The following ZNF740 variants were observed in gnomAD, a reference collection of about 807,000 sequenced individuals.
ZNF740 encodes the protein zinc finger protein 740.
In ZNF740, 14 loss-of-function variants were observed where a neutral mutation model predicts 24.8. The observed-to-expected ratio is 0.56, with a 90% CI of 0.37 to 0.88. ZNF740 has a LOEUF of 0.88. ZNF740 is among the 40% of genes least tolerant of loss of function. ZNF740 has a pLI of 0.00. For missense variants in ZNF740, 201 were observed against 247.9 expected (o/e 0.81, Z 1.27); for synonymous variants, 69 against 84.0 (o/e 0.82, Z 0.98).
rs1401350785 is a variant in ZNF740 at position 53,191,837 on chromosome 12, C to G, written c.*4247C>G. On this transcript the variant is annotated 3_prime_UTR_variant, in exon 7 of 7. Coordinates refer to ENST00000416904, the MANE Select transcript of ZNF740 (RefSeq NM_001004304.4). ...TGGTGGGGGAACAGCTAAAAAGGGG[C>G]CTAACCAGGAAGTCTCCTCACCTGC... The G allele has an allele frequency of 2.5e-6, 4 of 1,613,260 alleles. No individual in the cohort carries two copies. The highest frequency in any genetic ancestry group is 3.3e-5 in the Admixed American group (2 of 59,996).
Position 53,193,443 on chromosome 12 carries a change from C to A in ZNF740, c.*5853C>A. 1 of 1,060,232 alleles carries A rather than the reference C, an allele frequency of 9.4e-7. No homozygotes were observed. Among genetic ancestry groups the A allele is most frequent in the Non-Finnish European group, 1.3e-6 (1 of 747,824 alleles). 65.7% of individuals were successfully genotyped at this position (1,060,232 alleles called of 1,614,324 possible). A position where few individuals can be genotyped will look rare whatever the true frequency, so the allele number is the denominator to read the frequency against. ...CTTGTCTCTCCCAGGAACCTCTAAA[C>A]CCAAGTTCTCAAAAGAGTTGGAGAC... On this transcript the variant is annotated 3_prime_UTR_variant, in exon 7 of 7. Transcript: ENST00000416904.
rs1941804969 is a variant in ZNF740, at chr12:53,185,455, T to C, written c.228T>C (p.His76=). Residue 76 remains histidine, a synonymous_variant, in exon 4 of 7, where the codon CAT becomes CAC. Coordinates refer to ENST00000416904, the MANE Select transcript of ZNF740 (RefSeq NM_001004304.4). ...KDDDSLSEAS[H]SKKTVKKVVV... ...ATGACAGCTTGTCTGAGGCCTCTCA[T>C]TCAAAAAAGACTGTTAAAAAGGCAG... 1 of 1,613,822 alleles carries C rather than the reference T, an allele frequency of 6.2e-7. No individual in the cohort carries two copies. The highest frequency in any genetic ancestry group is 1.1e-5 in the South Asian group (1 of 91,074).
In ZNF740 at chr12:53,187,648, C is replaced by G. The variant is rs1027296050; in HGVS notation, c.*58C>G. ...GAAGAACCTGCCGAAGAGCACACCC[C>G]CTCTGGTCTGATGGTCCCACCACCG... On this transcript the variant is annotated 3_prime_UTR_variant, in exon 7 of 7. Coordinates refer to ENST00000416904, the MANE Select transcript of ZNF740 (RefSeq NM_001004304.4). The G allele has an allele frequency of 2.1e-6, 3 of 1,408,530 alleles. No individual in the cohort carries two copies. The highest frequency in any genetic ancestry group is 2.4e-5 in the South Asian group (2 of 84,934). 87.3% of individuals were successfully genotyped at this position (1,408,530 alleles called of 1,614,324 possible).
rs971210487 is a variant in ZNF740, at chr12:53,187,686, C to T, written c.*96C>T. On this transcript the variant is annotated 3_prime_UTR_variant, in exon 7 of 7. Coordinates refer to ENST00000416904, the MANE Select transcript of ZNF740 (RefSeq NM_001004304.4). ...GGTCCCACCACCGCCCCATGTGAAC[C>T]TGTCCCACTCCTGGAGGAGTGGACC... The T allele has an allele frequency of 4.1e-6, 4 of 983,678 alleles. No homozygotes were observed. In the Admixed American group the frequency reaches 8.0e-5, roughly 20 times the overall value. 60.9% of individuals were successfully genotyped at this position (983,678 alleles called of 1,614,324 possible).
intron 6 of ZNF740, 22 bp from the exon 7 acceptor site, chr12:53,187,479 T>G (rs1184397193): frequency 6.2e-7 from 1 of 1,611,296 alleles, no homozygotes; most frequent in African/African-American, 1.3e-5. Flanking sequence ...GCTCAGGCAC[T>G]TAACCCTCCC....
chr12:53,185,055 T>C lies in ZNF740; in HGVS notation c.159+15T>C, dbSNP rs373755791. On this transcript the variant is annotated intron_variant, in intron 3 of 6. Transcript: ENST00000416904. Reference sequence around the variant, plus strand: ...GCTCGAGTCAGGTACAGCGCTTGAGTCCATTGTGGCACCTGGGGATCGGGT... The same window carrying C: ...GCTCGAGTCAGGTACAGCGCTTGAGCCCATTGTGGCACCTGGGGATCGGGT... The C allele has an allele frequency of 2.2e-5, 35 of 1,612,344 alleles. No individual in the cohort carries two copies. The highest frequency in any genetic ancestry group is 3.0e-5 in the Non-Finnish European group (35 of 1,178,956).
At chr12:53,186,668 A>T in intron 6 of ZNF740, 159 bp downstream of exon 6, 1 of 567,988 alleles carries the variant, frequency 1.8e-6, no homozygotes, top group Non-Finnish European at 3.2e-6. Flanking sequence ...TATGCAGCTG[A>T]TCATGGGGAG....
At chr12:53,184,687 CT>C (rs1273953428) in intron 2 of ZNF740, among the ~76,000 whole-genome samples, 6 of 152,294 alleles carry the variant, frequency 3.9e-5, no homozygotes, top group African/African-American at 1.4e-4. Context: ...TATTTAAATG[CT>C]GAAGGATGAC....
chr12:53,193,408 T>TCAC lies in ZNF740; in HGVS notation c.*5820_*5822dup. ...GAGAGAAGTAGGTCAGAGGGTTTGA[T>TCAC]CACCCCTGACTTGTCTCTCCCAGGA... On this transcript the variant is annotated 3_prime_UTR_variant, in exon 7 of 7. Transcript: ENST00000416904. 1 of 1,389,560 alleles carries TCAC rather than the reference T, an allele frequency of 7.2e-7. No homozygotes were observed. Among genetic ancestry groups the TCAC allele is most frequent in the Non-Finnish European group, 9.7e-7 (1 of 1,028,870 alleles). The allele number at this position is 1,389,560 out of a possible 1,614,324, so 86.1% of individuals were successfully genotyped here.
rs1592398516 is a variant in ZNF740 at position 53,193,624 on chromosome 12, G to A, written c.*6034G>A. 3 of 1,211,938 alleles carry A rather than the reference G, an allele frequency of 2.5e-6. No individual in the cohort carries two copies. Among genetic ancestry groups the A allele is most frequent in the Non-Finnish European group, 3.5e-6 (3 of 867,436 alleles). The allele number at this position is 1,211,938 out of a possible 1,614,324, so 75.1% of individuals were successfully genotyped here. A position where few individuals can be genotyped will look rare whatever the true frequency, so the allele number is the denominator to read the frequency against. On this transcript the variant is annotated 3_prime_UTR_variant, in exon 7 of 7. Coordinates refer to ENST00000416904, the MANE Select transcript of ZNF740 (RefSeq NM_001004304.4). Reference sequence around the variant, plus strand: ...GGATGTCGAGGAGACTCCTGTGGGGGGGATGGAAAGCAGCGGAGGAATACG... The same window carrying A: ...GGATGTCGAGGAGACTCCTGTGGGGAGGATGGAAAGCAGCGGAGGAATACG...
chr12:53,188,896 G>C lies in ZNF740; in HGVS notation c.*1306G>C, dbSNP rs1225242348. 6.6e-6 allele frequency: 1 copy of C among 152,224 alleles called. No individual in the cohort carries two copies. Among genetic ancestry groups the C allele is most frequent in the Non-Finnish European group, 1.5e-5 (1 of 68,054 alleles). 9.4% of individuals were successfully genotyped at this position (152,224 alleles called of 1,614,324 possible). ...CCCAAAAAAGTAATCGGGTGTGTGT[G>C]TGTGTGTGAGAGAGAGTGTGTGTGA... On this transcript the variant is annotated 3_prime_UTR_variant, in exon 7 of 7. Coordinates refer to ENST00000416904, the MANE Select transcript of ZNF740 (RefSeq NM_001004304.4).
chr12:53,190,217 C>T lies in ZNF740; in HGVS notation c.*2627C>T, dbSNP rs927870378. ...GGAGTGATTTGGCATCCAGAGGGCC[C>T]GGGAGCCCCACGGATACCCCAGGGA... On this transcript the variant is annotated 3_prime_UTR_variant, in exon 7 of 7. Coordinates refer to ENST00000416904, the MANE Select transcript of ZNF740 (RefSeq NM_001004304.4). The T allele has an allele frequency of 1.3e-5, 2 of 152,580 alleles. No homozygotes were observed. The highest frequency in any genetic ancestry group is 2.9e-5 in the Non-Finnish European group (2 of 68,076). 9.5% of individuals were successfully genotyped at this position (152,580 alleles called of 1,614,324 possible).
rs777314719 is a variant in ZNF740, at chr12:53,194,348, TGG to T, written c.*6760_*6761del. 4 of 1,613,752 alleles carry T rather than the reference TGG, an allele frequency of 2.5e-6. No individual in the cohort carries two copies. In the South Asian group the frequency reaches 3.3e-5, roughly 13 times the overall value. Reference sequence around the variant, plus strand: ...GGGTCACGGTGGAAGACAGGCTCTATGGGAAGAGAGCGAGTGGATAACCACGT... The same window carrying T: ...GGGTCACGGTGGAAGACAGGCTCTATGAAGAGAGCGAGTGGATAACCACGT... On this transcript the variant is annotated 3_prime_UTR_variant, in exon 7 of 7. Transcript: ENST00000416904.
rs183657143 is a variant in ZNF740, at chr12:53,186,100, A to G, written c.373+23A>G. 7,798 of 1,605,430 alleles carry G rather than the reference A, an allele frequency of 4.9e-3. 50 individuals carry two copies. Among genetic ancestry groups the G allele is most frequent in the South Asian group, 0.01 (950 of 90,606 alleles). ...CTGGTAAGTCTCTTGTTTATATTCA[A>G]AAGGGGGAGAATAGTCTATCGCTTG... On this transcript the variant is annotated intron_variant, in intron 5 of 6. Transcript: ENST00000416904.
Position 53,191,689 on chromosome 12 carries a change from C to T in ZNF740, c.*4099C>T, listed in dbSNP as rs745888135. ...CAAAAATCCCAGGATTCCTCGTCCC[C>T]TTTCTAGACCTAAGAGGCCAGCCTT... On this transcript the variant is annotated 3_prime_UTR_variant, in exon 7 of 7. Transcript: ENST00000416904. 203 of 1,563,464 alleles carry T rather than the reference C, an allele frequency of 1.3e-4. No individual in the cohort carries two copies. The Admixed American group carries it at 3.3e-3, about 26-fold the overall frequency.
At position 53,190,725 on chromosome 12, in the gene ZNF740, T is replaced by C. The variant is rs927099858; in HGVS notation, c.*3135T>C. The C allele has an allele frequency of 6.6e-6, 1 of 151,856 alleles. No homozygotes were observed. Among genetic ancestry groups the C allele is most frequent in the African/African-American group, 2.4e-5 (1 of 41,326 alleles). The allele number at this position is 151,856 out of a possible 1,614,324, so 9.4% of individuals were successfully genotyped here. On this transcript the variant is annotated 3_prime_UTR_variant, in exon 7 of 7. Transcript: ENST00000416904. ...TATTTTGCTATGGGGGAGGGGAATA[T>C]CAAATGGACAAGATCACTTTTAAAT... is the stretch of plus-strand genomic sequence containing the variant.
intron 4 of ZNF740, 100 bp downstream of exon 4, chr12:53,185,576 C>G: frequency 5.4e-6 from 6 of 1,108,784 alleles, no homozygotes; most frequent in Non-Finnish European, 7.9e-6. Context: ...TCCCTAGATG[C>G]TTTGATCTCT....
rs762490149 is a variant in ZNF740, at chr12:53,192,015, T to G, written c.*4425T>G. 2.5e-6 allele frequency: 4 copies of G among 1,611,016 alleles called. No individual in the cohort carries two copies. The highest frequency in any genetic ancestry group is 3.4e-6 in the Non-Finnish European group (4 of 1,178,618). On this transcript the variant is annotated 3_prime_UTR_variant, in exon 7 of 7. Transcript: ENST00000416904. ...GCACAATGGCCTGCGTGTGGTCTGCTCCCTCTGTGAACAAGAAACCAGACA... is the reference window on the plus strand; with the variant it reads ...GCACAATGGCCTGCGTGTGGTCTGCGCCCTCTGTGAACAAGAAACCAGACA...
At chr12:53,183,398 A>G (rs968967496) in intron 2 of ZNF740, among the ~76,000 whole-genome samples, 4 of 152,230 alleles carry the variant, frequency 2.6e-5, no homozygotes, top group Admixed American at 6.5e-5. Context: ...CCAAAGTCCC[A>G]GAAGGTGGAG....
Sources: allele counts gnomAD v4.1 joint callset (sites outside exome capture counted in the v4.1 genomes callset), GRCh38; gene constraint gnomAD v4.1.1; transcripts MANE v1.5; gene names NCBI Gene and HGNC (gene_info 2026-07-23, HGNC 2026-07-21).